The following MAGI1 variants were observed in gnomAD, a reference collection of about 807,000 sequenced individuals.
MAGI1 encodes membrane-associated guanylate kinase, WW and PDZ domain-containing protein 1.
MAGI1 carries 58 observed loss-of-function variants against 139.9 expected under a neutral mutation model. That is an observed-to-expected ratio of 0.41 (90% CI 0.34 to 0.52). MAGI1 has a LOEUF of 0.52. Ranked by LOEUF, MAGI1 falls within the 20% of genes least tolerant of loss-of-function variation. The pLI, the probability that MAGI1 is intolerant of heterozygous loss-of-function variation, is 0.12. For missense variants in MAGI1, 1,874 were observed against 1,901.6 expected (o/e 0.99, Z 0.27); for synonymous variants, 812 against 737.9 (o/e 1.10, Z -1.63).
chr3:65,837,508 C>A (rs1301155872), intron 1 of MAGI1, among the ~76,000 whole-genome samples: 1 of 152,286 alleles, frequency 6.6e-6, no homozygotes, highest in South Asian at 2.1e-4. Context: ...ACAAGGGAAC[C>A]ATAACCAGTA....
At chr3:65,496,785 A>G (rs1343048600) in intron 2 of MAGI1, among the ~76,000 whole-genome samples, 1 of 152,254 alleles carries the variant, frequency 6.6e-6, no homozygotes, top group Non-Finnish European at 1.5e-5. Context: ...ACAAACCTGC[A>G]TGTCATAGGT....
intron 1 of MAGI1, among the ~76,000 whole-genome samples, chr3:65,777,655 A>AAAAAAG (rs1401835027): frequency 1.4e-5 from 2 of 145,366 alleles, no homozygotes; most frequent in South Asian, 2.1e-4. Flanking sequence ...AAAAAAAAAA[A>AAAAAAG]AAAGAAAGAA....
At chr3:65,793,481 C>T (rs1348305422) in intron 1 of MAGI1, among the ~76,000 whole-genome samples, 1 of 152,218 alleles carries the variant, frequency 6.6e-6, no homozygotes, top group Non-Finnish European at 1.5e-5. Flanking sequence ...TTACCTTTTA[C>T]TGAGAAGAAA....
At chr3:65,790,051 C>A (rs1231677702) in intron 1 of MAGI1, among the ~76,000 whole-genome samples, 1 of 152,136 alleles carries the variant, frequency 6.6e-6, no homozygotes, top group East Asian at 1.9e-4. Context: ...AACTTACAGA[C>A]CTAACTAAAG....
At chr3:65,801,833 A>G (rs888322428) in intron 1 of MAGI1, among the ~76,000 whole-genome samples, 1 of 152,174 alleles carries the variant, frequency 6.6e-6, no homozygotes, top group African/African-American at 2.4e-5. Context: ...CCCGGGCCAC[A>G]GACTGCTACC....
At chr3:65,548,087 C>T (rs1354541075) in intron 2 of MAGI1, among the ~76,000 whole-genome samples, 1 of 152,198 alleles carries the variant, frequency 6.6e-6, no homozygotes, top group African/African-American at 2.4e-5. Context: ...CAATAACCAG[C>T]TCTGCAGACT....
At chr3:65,499,166 G>GAA (rs76525207) in intron 2 of MAGI1, 550 of 293,614 alleles carry the variant, frequency 1.9e-3, no homozygotes, top group Non-Finnish European at 2.6e-3. Context: ...TGGTCTCTAG[G>GAA]AAAAAAAAAA....
intron 1 of MAGI1, among the ~76,000 whole-genome samples, chr3:65,654,710 A>G (rs1441656866): frequency 1.3e-5 from 2 of 152,082 alleles, no homozygotes; most frequent in African/African-American, 2.4e-5. Context: ...TAAATGTTAC[A>G]TACTCTCTCC....
intron 2 of MAGI1, among the ~76,000 whole-genome samples, chr3:65,562,335 C>T (rs894220579): frequency 6.6e-6 from 1 of 152,180 alleles, no homozygotes; most frequent in Non-Finnish European, 1.5e-5. Context: ...AATTAAGTTA[C>T]AGAATGCCAC....
At chr3:65,374,481 C>G (rs953290684) in intron 18 of MAGI1, among the ~76,000 whole-genome samples, 1 of 152,076 alleles carries the variant, frequency 6.6e-6, no homozygotes, top group Non-Finnish European at 1.5e-5. Flanking sequence ...CCACGCTAAG[C>G]TAATTTTTAT....
chr3:65,802,556 T>C (rs762901210), intron 1 of MAGI1, among the ~76,000 whole-genome samples: 12 of 152,204 alleles, frequency 7.9e-5, no homozygotes, highest in Non-Finnish European at 1.2e-4. Context: ...CATTGCACCC[T>C]GGGGTTCAGA....
intron 1 of MAGI1, among the ~76,000 whole-genome samples, chr3:66,014,782 C>T (rs1043794378): frequency 4.6e-5 from 7 of 152,144 alleles, no homozygotes; most frequent in Admixed American, 6.5e-5. Context: ...TATCTCATTC[C>T]GTCATTTTCT....
At chr3:65,719,013 C>A (rs2032638733) in intron 1 of MAGI1, among the ~76,000 whole-genome samples, 1 of 118,280 alleles carries the variant, frequency 8.5e-6, no homozygotes. Context: ...GCACATAACC[C>A]TACCAAAAAA....
At chr3:65,376,625 C>T in intron 17 of MAGI1, among the ~76,000 whole-genome samples, 1 of 152,196 alleles carries the variant, frequency 6.6e-6, no homozygotes, top group Middle Eastern at 3.2e-3. Flanking sequence ...TTTGCTCAAG[C>T]AGCTAGTCTT....
At chr3:65,642,021 T>C (rs2085008271) in intron 1 of MAGI1, among the ~76,000 whole-genome samples, 1 of 152,154 alleles carries the variant, frequency 6.6e-6, no homozygotes, top group African/African-American at 2.4e-5. Context: ...TGCAGGGCTT[T>C]CCCACACTGA....
At chr3:65,777,116 G>A (rs539399985) in intron 1 of MAGI1, among the ~76,000 whole-genome samples, 98 of 152,266 alleles carry the variant, frequency 6.4e-4, no homozygotes, top group Non-Finnish European at 9.3e-4. Flanking sequence ...TGAACAAAAC[G>A]CAAACAGTGA....
At chr3:65,866,927 G>A (rs566169604) in intron 1 of MAGI1, among the ~76,000 whole-genome samples, 19 of 152,314 alleles carry the variant, frequency 1.2e-4, no homozygotes, top group African/African-American at 4.3e-4. Flanking sequence ...CAGCTGGACT[G>A]CTGCTGGCTG....
chr3:65,868,686 T>A (rs1326698832), intron 1 of MAGI1, among the ~76,000 whole-genome samples: 1 of 152,228 alleles, frequency 6.6e-6, no homozygotes, highest in African/African-American at 2.4e-5. Flanking sequence ...CTAATCTCCC[T>A]CAAAAAACCA....
At chr3:65,401,366 G>A in intron 13 of MAGI1, 73 bp downstream of exon 13, 1 of 1,466,566 alleles carries the variant, frequency 6.8e-7, no homozygotes, top group Non-Finnish European at 9.3e-7. Flanking sequence ...GCCACACAGA[G>A]TACCCTCCCA....
Sources: allele counts gnomAD v4.1 joint callset (sites outside exome capture counted in the v4.1 genomes callset), GRCh38; gene constraint gnomAD v4.1.1; transcripts MANE v1.5; gene names NCBI Gene and HGNC (gene_info 2026-07-23, HGNC 2026-07-21).